DLC1: variants seen among roughly 807,000 people sequenced by gnomAD.
DLC1 encodes the protein DLC1 Rho GTPase activating protein.
Under a neutral mutation model 140.3 loss-of-function variants are expected in DLC1, and 54 were observed. The ratio of observed to expected loss-of-function variants is 0.38; its 90% CI spans 0.31 to 0.48. DLC1 has a LOEUF of 0.48. DLC1 is among the 20% of genes least tolerant of loss of function. The pLI, the probability that DLC1 is intolerant of heterozygous loss-of-function variation, is 0.96. For synonymous variants in DLC1, 986 were observed against 728.1 expected (o/e 1.35, Z -5.70); for missense variants, 2,536 against 1,907.0 (o/e 1.33, Z -6.14).
At chr8:13,498,022 T>G (rs1172947712) in intron 2 of DLC1, among the ~76,000 whole-genome samples, 1 of 152,182 alleles carries the variant, frequency 6.6e-6, no homozygotes, top group African/African-American at 2.4e-5. Context: ...TTTTTCTCTC[T>G]CATGGTAGAT....
rs1817932475 is a variant in DLC1, at chr8:13,090,244, AGC to A, written c.4074+6_4074+7del. The A allele has an allele frequency of 3.7e-6, 6 of 1,612,654 alleles. No homozygotes were observed. Among genetic ancestry groups the A allele is most frequent in the Non-Finnish European group, 5.1e-6 (6 of 1,179,354 alleles). ...ACTCAACTAGCCGACAACAGGGTGAAGCCTTACCTTCTTATAGGACAGCTCAG... is the reference window on the plus strand; with the variant it reads ...ACTCAACTAGCCGACAACAGGGTGAACTTACCTTCTTATAGGACAGCTCAG... On this transcript the variant is annotated splice_donor_region_variant and intron_variant, in intron 15 of 17. Transcript: ENST00000276297.
chr8:13,228,099 A>G (rs145212899), intron 5 of DLC1, among the ~76,000 whole-genome samples: 17 of 152,312 alleles, frequency 1.1e-4, no homozygotes, highest in African/African-American at 3.6e-4. Flanking sequence ...GTAAATCTGT[A>G]TATAAATGGG....
intron 5 of DLC1, among the ~76,000 whole-genome samples, chr8:13,151,820 C>T (rs1351847754): frequency 1.3e-5 from 2 of 152,142 alleles, no homozygotes; most frequent in African/African-American, 4.8e-5. Flanking sequence ...TACTATATTA[C>T]ACCTTTAAAA....
intron 5 of DLC1, among the ~76,000 whole-genome samples, chr8:13,280,334 T>C (rs1277465151): frequency 1.3e-5 from 2 of 149,100 alleles, no homozygotes; most frequent in African/African-American, 2.5e-5. Context: ...AATGACATTA[T>C]GCTTTGATAG....
chr8:13,350,502 G>C (rs1834601435), intron 4 of DLC1, among the ~76,000 whole-genome samples: 1 of 152,082 alleles, frequency 6.6e-6, no homozygotes, highest in Non-Finnish European at 1.5e-5. Flanking sequence ...GATCGCTTGA[G>C]GTCAGGAGTT....
chr8:13,522,179 G>A lies in DLC1; in HGVS notation c.-125-21983C>T, dbSNP rs546254624. Among the ~76,000 whole-genome samples the A allele has an allele frequency of 3.9e-5, 6 of 152,270 alleles. No homozygotes were observed. The South Asian group carries it at 1.2e-3, about 32-fold the overall frequency. ...GTGGGGTATGGCATCAGGAGCTGCT[G>A]AGAATGAATCTCAAAGGGCAGAGAT... On this transcript the variant is annotated intron_variant, in intron 1 of 1. Transcript: ENST00000631382.
Position 13,155,479 on chromosome 8 carries a change from T to C in DLC1, c.1349-39822A>G, listed in dbSNP as rs562525901. Among the ~76,000 whole-genome samples, 133 of 152,244 alleles carry C rather than the reference T, an allele frequency of 8.7e-4. 1 individual carries two copies. Among genetic ancestry groups the C allele is most frequent in the African/African-American group, 3.1e-3 (127 of 41,566 alleles). ...TTAGGCTAAAACAATAATTTAAATC[T>C]ATTTTTTTAAAAAAACATGTTCACC... On this transcript the variant is annotated intron_variant, in intron 5 of 17. Coordinates refer to ENST00000276297, the MANE Select transcript of DLC1 (RefSeq NM_182643.3).
At chr8:13,587,602 CA>C (rs1805373153) in intron 1 of DLC1, among the ~76,000 whole-genome samples, 2 of 142,096 alleles carry the variant, frequency 1.4e-5, no homozygotes, top group Non-Finnish European at 3.0e-5. Context: ...ATATACATTG[CA>C]TATATATATA....
intron 4 of DLC1, among the ~76,000 whole-genome samples, chr8:13,372,059 G>A (rs73205728): frequency 0.048 from 7,368 of 152,184 alleles, 245 homozygotes; most frequent in Middle Eastern, 0.082. Flanking sequence ...CATCGTGCAT[G>A]TGACTTGCAA....
chr8:13,434,408 A>G (rs910840878), intron 2 of DLC1, among the ~76,000 whole-genome samples: 1 of 152,142 alleles, frequency 6.6e-6, no homozygotes, highest in South Asian at 2.1e-4. Flanking sequence ...TCAATTCACA[A>G]AGTTTATTAG....
intron 4 of DLC1, among the ~76,000 whole-genome samples, chr8:13,338,043 G>C (rs1384299750): frequency 1.3e-5 from 2 of 152,306 alleles, no homozygotes; most frequent in South Asian, 2.1e-4. Flanking sequence ...TAATATGGTA[G>C]TTAAATGGAG....
At chr8:13,088,981 G>A (rs755655713) in intron 15 of DLC1, among the ~76,000 whole-genome samples, 1 of 152,078 alleles carries the variant, frequency 6.6e-6, no homozygotes, top group South Asian at 2.1e-4. Context: ...CATTTGAGCC[G>A]GGTGCAGTGG....
At chr8:13,315,192 A>G in intron 4 of DLC1, among the ~76,000 whole-genome samples, 1 of 152,180 alleles carries the variant, frequency 6.6e-6, no homozygotes. Context: ...AGGCAGAAGG[A>G]TCCCTTGAGC....
At chr8:13,452,146 T>C (rs1489775656) in intron 2 of DLC1, among the ~76,000 whole-genome samples, 1 of 151,564 alleles carries the variant, frequency 6.6e-6, no homozygotes, top group Non-Finnish European at 1.5e-5. Flanking sequence ...TTTGAAGAGT[T>C]ATCTAATGAA....
chr8:13,359,268 T>C (rs55992914), intron 4 of DLC1, among the ~76,000 whole-genome samples: 9,443 of 151,952 alleles, frequency 0.062, 369 homozygotes, highest in Non-Finnish European at 0.086. Flanking sequence ...CAGTGTTCTC[T>C]CTCCTCTCTC....
At chr8:13,598,945 A>G (rs182726987) in intron 1 of DLC1, among the ~76,000 whole-genome samples, 109 of 152,110 alleles carry the variant, frequency 7.2e-4, no homozygotes, top group Middle Eastern at 3.4e-3. Flanking sequence ...TATGTAATAT[A>G]CAATTTAAAA....
At chr8:13,114,189 C>T (rs1046180414) in intron 6 of DLC1, among the ~76,000 whole-genome samples, 11 of 152,112 alleles carry the variant, frequency 7.2e-5, no homozygotes, top group African/African-American at 2.4e-4. Context: ...TGGTAAAACC[C>T]CGGCTCTACT....
intron 4 of DLC1, among the ~76,000 whole-genome samples, chr8:13,391,246 T>A (rs948498577): frequency 2.6e-5 from 4 of 152,164 alleles, no homozygotes; most frequent in Admixed American, 6.5e-5. Context: ...TGAAGAGGAA[T>A]ACTGTTGTGA....
At chr8:13,535,326 G>A (rs1480162733) in intron 1 of DLC1, among the ~76,000 whole-genome samples, 1 of 151,902 alleles carries the variant, frequency 6.6e-6, no homozygotes, top group Non-Finnish European at 1.5e-5. Flanking sequence ...GTAAGTGTGG[G>A]GACAGGAGTG....
Sources: allele counts gnomAD v4.1 joint callset (sites outside exome capture counted in the v4.1 genomes callset), GRCh38; gene constraint gnomAD v4.1.1; transcripts MANE v1.5; gene names NCBI Gene and HGNC (gene_info 2026-07-23, HGNC 2026-07-21).